Variants in NOSTRIN observed in about 807,000 individuals in gnomAD.
The protein encoded by NOSTRIN is BM247 homolog.
Under a neutral mutation model 59.0 loss-of-function variants are expected in NOSTRIN, and 63 were observed. The ratio of observed to expected loss-of-function variants is 1.07; its 90% CI spans 0.87 to 1.32. NOSTRIN has a LOEUF of 1.32. Among genes scored for constraint, NOSTRIN ranks in the 40% most tolerant of loss-of-function variants. NOSTRIN has a pLI of 0.00. For missense variants in NOSTRIN, 512 were observed against 473.1 expected, an observed-to-expected ratio of 1.08 and a Z score of -0.76; for synonymous variants, 200 against 165.4, an observed-to-expected ratio of 1.21 and a Z score of -1.61.
At chr2:168,794,012 A>G (rs1685420098), upstream of NOSTRIN, among the ~76,000 whole-genome samples, 1 of 152,178 alleles carries the variant, frequency 6.6e-6, no homozygotes, top group Non-Finnish European at 1.5e-5. Context: ...CTTCTATATC[A>G]TATCTTCATA....
chr2:168,842,395 A>C (rs1688157510), intron 7 of NOSTRIN, among the ~76,000 whole-genome samples: 1 of 152,182 alleles, frequency 6.6e-6, no homozygotes, highest in African/African-American at 2.4e-5. Flanking sequence ...AGAGATGAGA[A>C]AACTGTGGCT....
rs3931 is a variant in NOSTRIN, at chr2:168,864,871, A to G, written c.1422A>G (p.Gly474=). Residue 474 remains glycine, a synonymous_variant, in exon 16 of 16, where the codon GGA becomes GGG. Coordinates refer to ENST00000317647, the MANE Select transcript of NOSTRIN (RefSeq NM_001039724.4). ...IVIIHEKKEG[G]WWFGSLNGKK... ...TTATACACGAGAAAAAAGAAGGAGG[A>G]TGGTGGTTTGGATCTTTGAATGGGA... 0.3 allele frequency: 482,941 copies of G among 1,612,962 alleles called. 75,704 individuals carry two copies. Among genetic ancestry groups the G allele is most frequent in the Non-Finnish European group, 0.32 (376,335 of 1,179,194 alleles).
chr2:168,822,566 A>C (rs1331494250), intron 2 of NOSTRIN, among the ~76,000 whole-genome samples: 1 of 152,258 alleles, frequency 6.6e-6, no homozygotes, highest in Non-Finnish European at 1.5e-5. Flanking sequence ...AACAGACTGA[A>C]AAATGCAATG....
intron 1 of NOSTRIN, among the ~76,000 whole-genome samples, chr2:168,804,680 G>A (rs547834658): frequency 5.1e-4 from 78 of 152,202 alleles, no homozygotes; most frequent in South Asian, 1.7e-3. Flanking sequence ...AGTTCATAAA[G>A]TATTAGCTTA....
Position 168,840,551 on chromosome 2 carries a change from A to C in NOSTRIN, c.505-2441A>C, listed in dbSNP as rs13034606. Among the ~76,000 whole-genome samples, 179 of 138,214 alleles carry C rather than the reference A, an allele frequency of 1.3e-3. 2 individuals carry two copies. Among genetic ancestry groups the C allele is most frequent in the African/African-American group, 3.3e-3 (125 of 38,164 alleles). 90.7% of individuals were successfully genotyped at this position (138,214 alleles called of 152,430 possible). ...TCTCAAAAAAAAAAAAAAAAAAAAAACAAAAAAACAGATATGTCCTGTGTA... is the reference window on the plus strand; with the variant it reads ...TCTCAAAAAAAAAAAAAAAAAAAAACCAAAAAAACAGATATGTCCTGTGTA... On this transcript the variant is annotated intron_variant, in intron 7 of 15. Transcript: ENST00000317647.
intron 1 of NOSTRIN, among the ~76,000 whole-genome samples, chr2:168,809,545 C>A (rs1277898282): frequency 1.3e-5 from 2 of 152,040 alleles, no homozygotes; most frequent in African/African-American, 2.4e-5. Flanking sequence ...AGGGAGAAAT[C>A]TAGTGGAAAT....
At position 168,865,224 on chromosome 2, in the gene NOSTRIN, G is replaced by T; in HGVS notation, c.*254G>T. 1 of 424,548 alleles carries T rather than the reference G, an allele frequency of 2.4e-6. No individual in the cohort carries two copies. Among genetic ancestry groups the T allele is most frequent in the East Asian group, 4.3e-5 (1 of 23,412 alleles). The allele number at this position is 424,548 out of a possible 1,614,324, so 26.3% of individuals were successfully genotyped here. On this transcript the variant is annotated 3_prime_UTR_variant, in exon 16 of 16. Coordinates refer to ENST00000317647, the MANE Select transcript of NOSTRIN (RefSeq NM_001039724.4). ...CCAAATTCTAGGAGACCCTAGAGAT[G>T]ATCCAGTATAACCCCTGGTGTCACA...
At chr2:168,833,905 C>T (rs992633293) in intron 6 of NOSTRIN, among the ~76,000 whole-genome samples, 2 of 152,200 alleles carry the variant, frequency 1.3e-5, no homozygotes, top group Admixed American at 6.5e-5. Context: ...ATTATGCTCA[C>T]TAGAACATTA....
At chr2:168,822,195 T>C (rs539760198) in intron 2 of NOSTRIN, among the ~76,000 whole-genome samples, 12 of 152,368 alleles carry the variant, frequency 7.9e-5, no homozygotes, top group African/African-American at 2.6e-4. Flanking sequence ...ACTGGCTTCA[T>C]TGTCTCAAAA....
upstream of NOSTRIN, among the ~76,000 whole-genome samples, chr2:168,800,767 A>G (rs1355903907): frequency 6.6e-6 from 1 of 152,120 alleles, no homozygotes; most frequent in Non-Finnish European, 1.5e-5. Flanking sequence ...AATCACAGAG[A>G]AAACATTGAG....
intron 5 of NOSTRIN, among the ~76,000 whole-genome samples, chr2:168,828,973 A>G (rs1413038819): frequency 6.6e-6 from 1 of 152,134 alleles, no homozygotes; most frequent in East Asian, 1.9e-4. Context: ...TGATCTTTAG[A>G]TGGTGAAATT....
chr2:168,844,340 GAGAGTA>G (rs1688273133), intron 8 of NOSTRIN, among the ~76,000 whole-genome samples: 1 of 151,914 alleles, frequency 6.6e-6, no homozygotes, highest in Non-Finnish European at 1.5e-5. Context: ...ATCAATTCTG[GAGAGTA>G]AGAACATGAA....
intron 7 of NOSTRIN, among the ~76,000 whole-genome samples, chr2:168,839,908 T>A (rs1397898186): frequency 0.19 from 7,687 of 40,058 alleles, 387 homozygotes; most frequent in African/African-American, 0.35. Flanking sequence ...AAAATATATA[T>A]ATATATATAT....
In NOSTRIN at chr2:168,855,415, T is replaced by C. The variant is rs760508695; in HGVS notation, c.919T>C (p.Leu307=). 6.2e-7 allele frequency: 1 copy of C among 1,611,600 alleles called. No individual in the cohort carries two copies. The highest frequency in any genetic ancestry group is 8.5e-7 in the Non-Finnish European group (1 of 1,178,222). ...RRKSLLKPKL[L]RLQRDIEKAS... is the part of the protein sequence containing the mutation. Reference sequence around the variant, plus strand: ...AAAGTCTTTACTAAAACCAAAATTATTGAGACTGCAGAGAGACATTGAAAA... The same window carrying C: ...AAAGTCTTTACTAAAACCAAAATTACTGAGACTGCAGAGAGACATTGAAAA... Residue 307 remains leucine, a synonymous_variant, in exon 11 of 16, where the codon TTG becomes CTG. Coordinates refer to ENST00000317647, the MANE Select transcript of NOSTRIN (RefSeq NM_001039724.4).
chr2:168,828,641 T>A (rs1687186285), intron 5 of NOSTRIN, 140 bp downstream of exon 5: 1 of 392,538 alleles, frequency 2.5e-6, no homozygotes, highest in Non-Finnish European at 4.6e-6. Context: ...TTATTTATTT[T>A]AAAATAAATG....
chr2:168,831,078 C>G (rs1687331383), intron 5 of NOSTRIN, among the ~76,000 whole-genome samples: 1 of 152,134 alleles, frequency 6.6e-6, no homozygotes, highest in South Asian at 2.1e-4. Flanking sequence ...TCAGGCTGCT[C>G]TAACAAAGTA....
chr2:168,859,516 A>G lies in NOSTRIN; in HGVS notation c.1058A>G (p.Asn353Ser). 2 of 1,614,068 alleles carry G rather than the reference A, an allele frequency of 1.2e-6. No individual in the cohort carries two copies. Among genetic ancestry groups the G allele is most frequent in the Non-Finnish European group, 1.7e-6 (2 of 1,179,978 alleles). ...GGCCAAATGATGTATCCACAGAACA[A>G]TTTGAAACTAGACCTTTTGGAAGCG... ...KDTAALMDEN[N>S]LKLDLLEANS... is the part of the protein sequence containing the mutation. Residue 353 changes from asparagine to serine, a missense_variant, in exon 13 of 16, where the codon AAT (asparagine) becomes AGT (serine). Transcript: ENST00000317647.
intron 8 of NOSTRIN, among the ~76,000 whole-genome samples, chr2:168,843,350 G>A (rs1361204423): frequency 6.6e-6 from 1 of 152,180 alleles, no homozygotes; most frequent in Admixed American, 6.5e-5. Flanking sequence ...CTAATTCTTA[G>A]TGGACAGGAT....
intron 11 of NOSTRIN, chr2:168,855,864 T>C (rs1168221723): frequency 3.4e-5 from 15 of 446,952 alleles, no homozygotes; most frequent in South Asian, 2.1e-4. Flanking sequence ...TAAAAACCTT[T>C]CAAATTAAAT....
Sources: gnomAD v4.1 joint callset for allele counts (sites outside exome capture counted in the v4.1 genomes callset) on GRCh38, gnomAD v4.1.1 for gene constraint, MANE v1.5 for transcripts, NCBI Gene and HGNC (gene_info 2026-07-23, HGNC 2026-07-21) for gene names.